The following CPM variants were observed in gnomAD, a reference collection of about 807,000 sequenced individuals.
CPM encodes renal carboxypeptidase.
Under a neutral mutation model 46.4 loss-of-function variants are expected in CPM, and 35 were observed. That is an observed-to-expected ratio of 0.75 (90% CI 0.58 to 1.00). The LOEUF (loss-of-function observed/expected upper bound fraction) is 1.00. Ranked by LOEUF, CPM falls within the 50% of genes least tolerant of loss-of-function variation. CPM has a pLI of 0.00. For missense variants in CPM, 422 were observed against 530.4 expected (o/e 0.80, Z 2.01); for synonymous variants, 195 against 195.3 (o/e 1.00, Z 0.01).
chr12:68,912,531 G>T (rs1297643575), intron 2 of CPM, among the ~76,000 whole-genome samples: 1 of 152,082 alleles, frequency 6.6e-6, no homozygotes, highest in Non-Finnish European at 1.5e-5. Context: ...TGGTATAAAG[G>T]CTATGTAAAA....
At chr12:68,879,811 A>G (rs1191868077) in intron 3 of CPM, among the ~76,000 whole-genome samples, 1 of 152,208 alleles carries the variant, frequency 6.6e-6, no homozygotes, top group Admixed American at 6.5e-5. Context: ...GAAGATAAGC[A>G]CAAAACAAAG....
At chr12:68,872,043 G>T (rs1197218081) in intron 3 of CPM, 87 bp from the exon 4 acceptor site, 1 of 1,345,084 alleles carries the variant, frequency 7.4e-7, no homozygotes, top group South Asian at 1.3e-5. Flanking sequence ...CCCAATAGGG[G>T]TCTCTACACA....
chr12:68,956,035 C>T (rs1007702364), intron 1 of CPM, among the ~76,000 whole-genome samples: 4 of 152,272 alleles, frequency 2.6e-5, no homozygotes, highest in East Asian at 1.9e-4. Context: ...CTGCCCTCCA[C>T]GGCACCCACA....
In CPM at chr12:68,851,791, A is replaced by G. The variant is rs1169638328; in HGVS notation, c.*4646T>C. ...AAGTCTATAACAAACCCAAACTTCT[A>G]CTTTAGCTACAGTACTGTGGACTTT... On this transcript the variant is annotated 3_prime_UTR_variant, in exon 9 of 9. Coordinates refer to ENST00000551568, the MANE Select transcript of CPM (RefSeq NM_198320.5). 6.6e-6 allele frequency: 1 copy of G among 152,110 alleles called. No individual in the cohort carries two copies. Among genetic ancestry groups the G allele is most frequent in the African/African-American group, 2.4e-5 (1 of 41,416 alleles). The allele number at this position is 152,110 out of a possible 1,614,324, so 9.4% of individuals were successfully genotyped here. A position where few individuals can be genotyped will look rare whatever the true frequency, so the allele number is the denominator to read the frequency against.
At chr12:68,941,525 C>T (rs1888761492) in intron 1 of CPM, among the ~76,000 whole-genome samples, 1 of 151,978 alleles carries the variant, frequency 6.6e-6, no homozygotes, top group Admixed American at 6.6e-5. Context: ...AGGTGTGTAC[C>T]ACCACGCATG....
chr12:68,875,519 C>G (rs1331421012), intron 3 of CPM, among the ~76,000 whole-genome samples: 2 of 151,528 alleles, frequency 1.3e-5, no homozygotes, highest in African/African-American at 2.4e-5. Flanking sequence ...AAAATCTGAT[C>G]ATCAAGCTGG....
At chr12:68,914,218 A>C (rs957256886) in intron 2 of CPM, among the ~76,000 whole-genome samples, 1 of 152,238 alleles carries the variant, frequency 6.6e-6, no homozygotes, top group Non-Finnish European at 1.5e-5. Flanking sequence ...CAGCTTAAAG[A>C]GCACAAGGCC....
At chr12:68,941,433 A>G (rs534259908) in intron 1 of CPM, among the ~76,000 whole-genome samples, 58 of 151,884 alleles carry the variant, frequency 3.8e-4, no homozygotes, top group African/African-American at 1.1e-3. Context: ...GAGTGCAGTG[A>G]CGTGATCACA....
In CPM at chr12:68,852,562, T is replaced by C. The variant is rs976680173; in HGVS notation, c.*3875A>G. ...TTTTCTTTCTTTCTTTTTTCTTTTT[T>C]TTTTTTTGAGACAGAGGTTCGCTCT... On this transcript the variant is annotated 3_prime_UTR_variant, in exon 9 of 9. Coordinates refer to ENST00000551568, the MANE Select transcript of CPM (RefSeq NM_198320.5). The C allele has an allele frequency of 6.6e-6, 1 of 151,558 alleles. No homozygotes were observed. Among genetic ancestry groups the C allele is most frequent in the Non-Finnish European group, 1.5e-5 (1 of 67,904 alleles). The allele number at this position is 151,558 out of a possible 1,614,324, so 9.4% of individuals were successfully genotyped here.
chr12:68,884,454 G>A (rs974955001), intron 3 of CPM, among the ~76,000 whole-genome samples: 4 of 152,300 alleles, frequency 2.6e-5, no homozygotes, highest in East Asian at 3.9e-4. Context: ...AAGGGCAGGC[G>A]GAGTGTACCA....
chr12:68,912,984 C>A (rs929095183), intron 2 of CPM, among the ~76,000 whole-genome samples: 1 of 152,206 alleles, frequency 6.6e-6, no homozygotes, highest in African/African-American at 2.4e-5. Flanking sequence ...ACTTGCATGA[C>A]CTGATCACTT....
At chr12:68,886,974 G>A (rs552130723) in intron 2 of CPM, among the ~76,000 whole-genome samples, 1 of 152,108 alleles carries the variant, frequency 6.6e-6, no homozygotes, top group South Asian at 2.1e-4. Flanking sequence ...CTTTACAAAT[G>A]AAAAAACTGA....
rs1039159783 is a variant in CPM at position 68,871,729 on chromosome 12, C to T, written c.431+55G>A. 27 of 1,585,896 alleles carry T rather than the reference C, an allele frequency of 1.7e-5. 1 individual carries two copies. In the East Asian group the frequency reaches 2.0e-4, roughly 12 times the overall value. ...CTTGCCAAGGCCAACAGGTGCCTGT[C>T]GGGAGCCTTTGTGTTGTGTTGTTTT... On this transcript the variant is annotated intron_variant, in intron 4 of 8. Transcript: ENST00000551568.
chr12:68,915,190 T>C (rs1374784655), intron 2 of CPM, among the ~76,000 whole-genome samples: 1 of 152,194 alleles, frequency 6.6e-6, no homozygotes, highest in Non-Finnish European at 1.5e-5. Context: ...ATTTTCCCTA[T>C]GTATCACTGT....
Position 68,853,793 on chromosome 12 carries a change from A to C in CPM, c.*2644T>G, listed in dbSNP as rs886877864. The stretch of plus-strand genomic sequence containing the variant: ...GAAAGAAGAAAAGGAAGGGAAGGGG[A>C]GGGAAAGGGAGAGAAGGGGAGGAGA... On this transcript the variant is annotated 3_prime_UTR_variant, in exon 9 of 9. Coordinates refer to ENST00000551568, the MANE Select transcript of CPM (RefSeq NM_198320.5). 6.7e-6 allele frequency: 1 copy of C among 150,348 alleles called. No homozygotes were observed. 9.3% of individuals were successfully genotyped at this position (150,348 alleles called of 1,614,324 possible). A position where few individuals can be genotyped will look rare whatever the true frequency, so the allele number is the denominator to read the frequency against.
intron 7 of CPM, among the ~76,000 whole-genome samples, chr12:68,866,023 T>C (rs1885427266): frequency 6.6e-6 from 1 of 152,188 alleles, no homozygotes; most frequent in Non-Finnish European, 1.5e-5. Context: ...TCTGTCTATC[T>C]GTGATAAGGG....
intron 7 of CPM, among the ~76,000 whole-genome samples, chr12:68,861,622 C>T (rs1885218848): frequency 2.0e-5 from 3 of 151,888 alleles, no homozygotes; most frequent in South Asian, 4.2e-4. Context: ...CTCTGCCTCC[C>T]GGGTTCAAGC....
intron 6 of CPM, among the ~76,000 whole-genome samples, chr12:68,868,153 C>T (rs1276596724): frequency 2.0e-5 from 3 of 152,164 alleles, no homozygotes; most frequent in Non-Finnish European, 2.9e-5. Flanking sequence ...GACAGCTCTG[C>T]CACTGGACAG....
At chr12:68,869,186 TATG>T in intron 6 of CPM, 136 bp downstream of exon 6, 1 of 671,068 alleles carries the variant, frequency 1.5e-6, no homozygotes, top group Non-Finnish European at 2.5e-6. Context: ...CCACTGCTCT[TATG>T]ATATTAGCTG....
Sources: allele counts gnomAD v4.1 joint callset (sites outside exome capture counted in the v4.1 genomes callset), GRCh38; gene constraint gnomAD v4.1.1; transcripts MANE v1.5; gene names NCBI Gene and HGNC (gene_info 2026-07-23, HGNC 2026-07-21).